STK33: variants seen among roughly 807,000 people sequenced by gnomAD.
STK33 encodes the protein serine/threonine kinase 33.
STK33 carries 52 observed loss-of-function variants against 58.0 expected under a neutral mutation model. That is an observed-to-expected ratio of 0.90 (90% CI 0.72 to 1.13). The LOEUF (loss-of-function observed/expected upper bound fraction) is 1.13, where lower values mean the gene tolerates loss of function less well. STK33 is among the 50% of genes most tolerant of loss of function. The probability of loss-of-function intolerance (pLI) is 0.00; values close to 1 mark genes in which losing one functional copy is unlikely to be tolerated. For synonymous variants in STK33, 215 were observed against 200.1 expected (o/e 1.07, Z -0.63); for missense variants, 630 against 604.2 (o/e 1.04, Z -0.45).
chr11:8,496,874 G>A (rs913838216), intron 1 of STK33, among the ~76,000 whole-genome samples: 2 of 151,864 alleles, frequency 1.3e-5, no homozygotes, highest in African/African-American at 2.4e-5. Context: ...GCGCCCGGCT[G>A]ATATTTCATT....
chr11:8,462,063 T>C lies in STK33; in HGVS notation c.454-154A>G, dbSNP rs1947593192. Reference sequence around the variant, plus strand: ...TTTGAGATGTTTCTTTTTCAAATGATATCATGCCATTTATTCCTGTGATCA... The same window carrying C: ...TTTGAGATGTTTCTTTTTCAAATGACATCATGCCATTTATTCCTGTGATCA... On this transcript the variant is annotated intron_variant, in intron 7 of 15. Coordinates refer to ENST00000687296, the MANE Select transcript of STK33 (RefSeq NM_001352389.2). Among the ~76,000 whole-genome samples, 5 of 152,200 alleles carry C rather than the reference T, an allele frequency of 3.3e-5. No individual in the cohort carries two copies. The South Asian group carries it at 1.0e-3, about 32-fold the overall frequency.
At chr11:8,378,667 T>C in the STK33 span, among the ~76,000 whole-genome samples, 5 of 152,206 alleles carry the variant, frequency 3.3e-5, no homozygotes, top group Non-Finnish European at 7.3e-5. Flanking sequence ...TTATGGGAAC[T>C]ATAATTCAAG....
At chr11:8,388,696 C>T (rs975068201), downstream of STK33, among the ~76,000 whole-genome samples, 2 of 152,232 alleles carry the variant, frequency 1.3e-5, no homozygotes, top group Non-Finnish European at 2.9e-5. Flanking sequence ...CCTGGTCTCT[C>T]ATTGGCAGCA....
the STK33 span, among the ~76,000 whole-genome samples, chr11:8,337,722 C>T: frequency 3.9e-5 from 6 of 152,096 alleles, no homozygotes; most frequent in Non-Finnish European, 7.4e-5. Flanking sequence ...GCTCCCCCGC[C>T]CCCAGTCCTC....
At chr11:8,551,344 G>A (rs1956287264) in intron 1 of STK33, among the ~76,000 whole-genome samples, 1 of 152,028 alleles carries the variant, frequency 6.6e-6, no homozygotes, top group Admixed American at 6.6e-5. Context: ...TGGCCAAGCT[G>A]GTCTCAAACT....
chr11:8,530,783 A>T (rs1954472054), intron 1 of STK33, among the ~76,000 whole-genome samples: 2 of 152,116 alleles, frequency 1.3e-5, no homozygotes, highest in South Asian at 4.1e-4. Flanking sequence ...TCTGCCGCCC[A>T]GGTTCAAGCA....
rs77939349 is a variant in STK33 at position 8,427,219 on chromosome 11, G to C, written c.1146+8275C>G. Among the ~76,000 whole-genome samples, 409 of 152,120 alleles carry C rather than the reference G, an allele frequency of 2.7e-3. 4 individuals are homozygous for C. Among genetic ancestry groups the C allele is most frequent in the East Asian group, 0.018 (94 of 5,174 alleles). On this transcript the variant is annotated intron_variant, in intron 14 of 15. Transcript: ENST00000687296. ...ATATCTTAATCATTCCCTTTAATATGAATAACAATTTGAATAGATATAACA... is the reference window on the plus strand; with the variant it reads ...ATATCTTAATCATTCCCTTTAATATCAATAACAATTTGAATAGATATAACA...
intron 1 of STK33, among the ~76,000 whole-genome samples, chr11:8,482,716 T>C (rs1035884352): frequency 1.3e-4 from 19 of 151,924 alleles, no homozygotes; most frequent in African/African-American, 4.3e-4. Flanking sequence ...TTTTTATTTT[T>C]ATTTTTTATT....
intron 1 of STK33, among the ~76,000 whole-genome samples, chr11:8,499,543 C>T (rs999022958): frequency 1.3e-5 from 2 of 152,142 alleles, no homozygotes; most frequent in Non-Finnish European, 2.9e-5. Flanking sequence ...ACTAGGAATA[C>T]CATTTGACCC....
chr11:8,350,896 C>T, the STK33 span, among the ~76,000 whole-genome samples: 274 of 152,252 alleles, frequency 1.8e-3, 2 homozygotes, highest in African/African-American at 6.3e-3. Context: ...GAGTCACCAG[C>T]CCCCAGCATA....
intron 8 of STK33, among the ~76,000 whole-genome samples, chr11:8,460,614 T>C (rs1398838058): frequency 1.3e-5 from 2 of 151,862 alleles, no homozygotes; most frequent in African/African-American, 2.4e-5. Flanking sequence ...CAAATACAAA[T>C]GTGAGGAAAT....
At chr11:8,485,322 ATATACTTT>A (rs1950126486) in intron 1 of STK33, among the ~76,000 whole-genome samples, 1 of 152,226 alleles carries the variant, frequency 6.6e-6, no homozygotes, top group African/African-American at 2.4e-5. Context: ...TGATAAAATT[ATATACTTT>A]TACACAGGCC....
At chr11:8,593,307 T>C (rs539410882) in intron 1 of STK33, among the ~76,000 whole-genome samples, 1 of 152,288 alleles carries the variant, frequency 6.6e-6, no homozygotes, top group South Asian at 2.1e-4. Context: ...ACTATCCTAT[T>C]TTCTGGTTGG....
chr11:8,355,531 C>G, the STK33 span, among the ~76,000 whole-genome samples: 1 of 152,230 alleles, frequency 6.6e-6, no homozygotes, highest in African/African-American at 2.4e-5. Context: ...ACCCTGTCCT[C>G]TCCATCTACA....
chr11:8,562,556 T>C (rs11041987), intron 1 of STK33, among the ~76,000 whole-genome samples: 8,912 of 152,240 alleles, frequency 0.059, 482 homozygotes, highest in African/African-American at 0.15. Context: ...CCATATTTCA[T>C]TATACTCTTA....
chr11:8,404,868 C>T (rs1289187908), intron 15 of STK33, among the ~76,000 whole-genome samples: 1 of 152,168 alleles, frequency 6.6e-6, no homozygotes, highest in African/African-American at 2.4e-5. Context: ...CAGCCAGGCG[C>T]GGTGGCTCAC....
intron 11 of STK33, among the ~76,000 whole-genome samples, chr11:8,450,476 A>G (rs1334664842): frequency 6.6e-6 from 1 of 152,144 alleles, no homozygotes; most frequent in Non-Finnish European, 1.5e-5. Context: ...TGATAGGTGC[A>G]GCAAACCACC....
chr11:8,395,092 T>C (rs149265695), intron 15 of STK33, among the ~76,000 whole-genome samples: 226 of 152,310 alleles, frequency 1.5e-3, no homozygotes, highest in African/African-American at 5.0e-3. Context: ...GTCATTTCCA[T>C]TGGTTGCAGG....
intron 6 of STK33, among the ~76,000 whole-genome samples, chr11:8,468,620 G>C (rs1948464213): frequency 6.6e-6 from 1 of 151,328 alleles, no homozygotes; most frequent in Non-Finnish European, 1.5e-5. Flanking sequence ...TTTCTTCCAA[G>C]ATGGTCTAAA....
Sources: gnomAD v4.1 joint callset for allele counts (sites outside exome capture counted in the v4.1 genomes callset) on GRCh38, gnomAD v4.1.1 for gene constraint, MANE v1.5 for transcripts, NCBI Gene and HGNC (gene_info 2026-07-23, HGNC 2026-07-21) for gene names.